SAXO3: variants seen among roughly 807,000 people sequenced by gnomAD.
SAXO3 encodes the protein stabilizer of axonemal microtubules 3, also known as CTB-60B18.10.
chr19:49,020,522 A>T, the SAXO3 span: 1 of 398,312 alleles, frequency 2.5e-6, no homozygotes, highest in Non-Finnish European at 4.4e-6. Context: ...CCATGGTTCC[A>T]CCCCCACTCC....
chr19:49,019,630 G>A, the SAXO3 span: 1 of 1,253,230 alleles, frequency 8.0e-7, no homozygotes, highest in Non-Finnish European at 1.0e-6. Flanking sequence ...CGCCGGCGCC[G>A]GCTTCCACCC....
chr19:49,019,169 G>A, the SAXO3 span: 1 of 1,409,796 alleles, frequency 7.1e-7, no homozygotes, highest in Non-Finnish European at 9.2e-7. Flanking sequence ...CCACGCCAGG[G>A]AACTTCAGCT....
At chr19:49,020,281 T>C in the SAXO3 span, 4 of 442,606 alleles carry the variant, frequency 9.0e-6, no homozygotes, top group Non-Finnish European at 1.6e-5. Context: ...CCCTCCTCCT[T>C]CAGAGAGGAG....
the SAXO3 span, chr19:49,020,161 C>A: frequency 1.5e-3 from 830 of 544,864 alleles, no homozygotes; most frequent in Non-Finnish European, 2.1e-3. Context: ...GTCCCTATCA[C>A]CCCCCACCCC....
the SAXO3 span, chr19:49,019,488 T>C: frequency 5.8e-6 from 7 of 1,200,124 alleles, no homozygotes; most frequent in African/African-American, 1.0e-4. Context: ...CTGGTCCTTC[T>C]GGCCTGGCCT....
chr19:49,017,972 A>T, the SAXO3 span: 1 of 398,314 alleles, frequency 2.5e-6, no homozygotes, highest in Non-Finnish European at 4.4e-6. Flanking sequence ...GACGGCTCAC[A>T]CCAGCGCCGG....
the SAXO3 span, chr19:49,019,585 G>A: frequency 8.0e-7 from 1 of 1,244,798 alleles, no homozygotes; most frequent in South Asian, 2.6e-5. Flanking sequence ...ATTCCTTCTG[G>A]CCCCGCCCCA....
the SAXO3 span, chr19:49,019,491 C>A: frequency 8.4e-7 from 1 of 1,190,576 alleles, no homozygotes; most frequent in Non-Finnish European, 1.0e-6. Context: ...GTCCTTCTGG[C>A]CTGGCCTAAT....
the SAXO3 span, chr19:49,019,316 G>T: frequency 8.4e-7 from 1 of 1,188,738 alleles, no homozygotes; most frequent in Non-Finnish European, 1.1e-6. Flanking sequence ...AACCGTCTTG[G>T]TGTGGCCACT....
At chr19:49,019,204 C>T in the SAXO3 span, 1 of 1,396,950 alleles carries the variant, frequency 7.2e-7, no homozygotes. Flanking sequence ...CGAACCCTTC[C>T]CAGCCTCACC....
the SAXO3 span, chr19:49,018,238 C>T: frequency 2.6e-6 from 2 of 783,618 alleles, no homozygotes; most frequent in Admixed American, 8.7e-5. Context: ...GGGAGGAGCG[C>T]GGACAGGGCG....
chr19:49,019,716 C>T, the SAXO3 span: 1 of 1,174,698 alleles, frequency 8.5e-7, no homozygotes, highest in African/African-American at 1.6e-5. Context: ...CCGGGGCGCG[C>T]GGGTCCCCGC....
At chr19:49,019,738 G>C in the SAXO3 span, 3 of 1,181,168 alleles carry the variant, frequency 2.5e-6, no homozygotes, top group Non-Finnish European at 3.3e-6. Flanking sequence ...GGGAGAGCCA[G>C]TGTACTGCGC....
At chr19:49,018,162 G>A in the SAXO3 span, 1 of 404,550 alleles carries the variant, frequency 2.5e-6, no homozygotes, top group Admixed American at 4.4e-5. Flanking sequence ...AGGGCTCCCC[G>A]GTGCGGCATG....
chr19:49,020,230 G>A, the SAXO3 span: 45 of 472,188 alleles, frequency 9.5e-5, no homozygotes, highest in Admixed American at 1.6e-4. Context: ...CTGGCATTCA[G>A]CTTCCCTGGT....
At chr19:49,018,940 G>C in the SAXO3 span, 1 of 1,534,378 alleles carries the variant, frequency 6.5e-7, no homozygotes, top group Non-Finnish European at 8.7e-7. Context: ...AGGACGCCCC[G>C]GTCGGATACT....
chr19:49,019,308 C>A, the SAXO3 span: 1 of 1,221,394 alleles, frequency 8.2e-7, no homozygotes, highest in East Asian at 3.2e-5. Flanking sequence ...CTGTCTTAAA[C>A]CGTCTTGGTG....
the SAXO3 span, chr19:49,018,930 A>C: frequency 6.5e-7 from 1 of 1,534,484 alleles, no homozygotes; most frequent in East Asian, 2.4e-5. Flanking sequence ...GCGGCGGTCC[A>C]GGACGCCCCG....
At chr19:49,019,974 G>A in the SAXO3 span, 4 of 1,511,868 alleles carry the variant, frequency 2.6e-6, no homozygotes, top group Non-Finnish European at 3.5e-6. Context: ...GCTCTGGGCT[G>A]GGCGCAGGGC....
Sources: allele counts gnomAD v4.1 joint callset, GRCh38; gene constraint gnomAD v4.1.1; transcripts MANE v1.5; gene names NCBI Gene and HGNC (gene_info 2026-07-23, HGNC 2026-07-21).